The following RBM27 variants were observed in gnomAD, a reference collection of about 807,000 sequenced individuals.
RBM27 encodes the protein RNA-binding protein 27.
Under a neutral mutation model 135.3 loss-of-function variants are expected in RBM27, and 22 were observed. The ratio of observed to expected loss-of-function variants is 0.16; its 90% CI spans 0.12 to 0.23. RBM27 has a LOEUF of 0.23. Among genes scored for constraint, RBM27 ranks in the 10% least tolerant of loss-of-function variants. RBM27 has a pLI of 1.00. For missense variants in RBM27, 1,009 were observed against 1,281.0 expected (o/e 0.79, Z 3.24); for synonymous variants, 481 against 442.4 (o/e 1.09, Z -1.10).
chr5:146,263,551 C>T lies in RBM27; in HGVS notation c.2251C>T (p.Arg751Cys), dbSNP rs1436172352. The change falls in exon 14 of 21, where the codon CGT becomes TGT. Residue 751 changes from arginine (R) to cysteine (C), a missense_variant. Around this residue, in one of 6 missense-constraint regions of RBM27, gnomAD observed 355 missense variants for 427.3 expected, o/e 0.83. Transcript: ENST00000265271. ...YVLNKVPVKH[R>C]LGHAGGNQSD... Reference sequence around the variant, plus strand: ...TCTTAACAAAGTTCCTGTTAAACATCGTCTTGGACATGCAGGTGGTAACCA... The same window carrying T: ...TCTTAACAAAGTTCCTGTTAAACATTGTCTTGGACATGCAGGTGGTAACCA... The T allele has an allele frequency of 3.1e-6, 5 of 1,614,080 alleles. No homozygotes were observed. The highest frequency in any genetic ancestry group is 4.2e-6 in the Non-Finnish European group (5 of 1,179,984).
chr5:146,260,943 T>C (rs2126851793), intron 12 of RBM27, 45 bp downstream of exon 12: 1 of 1,543,314 alleles, frequency 6.5e-7, no homozygotes, highest in Non-Finnish European at 8.8e-7. Flanking sequence ...ATTTTATGGG[T>C]CTTGGGAATA....
At chr5:146,258,311 T>G (rs1758211914) in intron 10 of RBM27, 138 bp from the exon 11 acceptor site, 2 of 593,030 alleles carry the variant, frequency 3.4e-6, no homozygotes, top group Non-Finnish European at 5.1e-6. Context: ...CATTTGTAAC[T>G]TTTTCTTCTG....
At chr5:146,249,108 A>G (rs895482233) in intron 8 of RBM27, among the ~76,000 whole-genome samples, 2 of 151,910 alleles carry the variant, frequency 1.3e-5, no homozygotes, top group African/African-American at 4.8e-5. Flanking sequence ...TAGCCTTCCA[A>G]ATAGCTAGGA....
At chr5:146,231,398 C>G (rs190150772) in intron 6 of RBM27, among the ~76,000 whole-genome samples, 1 of 152,178 alleles carries the variant, frequency 6.6e-6, no homozygotes, top group African/African-American at 2.4e-5. Context: ...AGCCACCGCA[C>G]CATGCCTATA....
At chr5:146,265,759 G>A (rs992418012) in intron 14 of RBM27, among the ~76,000 whole-genome samples, 1 of 152,142 alleles carries the variant, frequency 6.6e-6, no homozygotes, top group African/African-American at 2.4e-5. Flanking sequence ...AAACCCATCT[G>A]TGAGCATTGT....
chr5:146,220,934 T>C (rs1450432979), intron 2 of RBM27, among the ~76,000 whole-genome samples: 1 of 152,076 alleles, frequency 6.6e-6, no homozygotes, highest in African/African-American at 2.4e-5. Context: ...TTAGAAAGGA[T>C]TGGCCAGGCG....
At position 146,251,853 on chromosome 5, in the gene RBM27, C is replaced by T. The variant is rs563464109; in HGVS notation, c.1422C>T (p.Ser474=). 4.4e-5 allele frequency: 71 copies of T among 1,614,148 alleles called. No individual in the cohort carries two copies. Among genetic ancestry groups the T allele is most frequent in the South Asian group, 2.9e-4 (26 of 91,082 alleles). Residue 474 remains serine, a synonymous_variant, in exon 9 of 21, where the codon TCC becomes TCT. Coordinates refer to ENST00000265271, the MANE Select transcript of RBM27 (RefSeq NM_018989.2). ...GSSIGYHTSV[S]SPTPLVPDTY... ...CCATTGGATACCATACCTCAGTCTCCAGCCCTACCCCTCTGGTTCCAGGTA... is the reference window on the plus strand; with the variant it reads ...CCATTGGATACCATACCTCAGTCTCTAGCCCTACCCCTCTGGTTCCAGGTA...
In RBM27 at chr5:146,286,128, T is replaced by C. The variant is rs546324640; in HGVS notation, c.*98T>C. On this transcript the variant is annotated 3_prime_UTR_variant, in exon 21 of 21. Transcript: ENST00000265271. ...GTCAATGAGCCAAAAAAAATTTTTT[T>C]ATTTTTCTTTTCAACACAGTAGGTT... 5 of 1,044,410 alleles carry C rather than the reference T, an allele frequency of 4.8e-6. No individual in the cohort carries two copies. The South Asian group carries it at 7.9e-5, about 17-fold the overall frequency. 64.7% of individuals were successfully genotyped at this position (1,044,410 alleles called of 1,614,324 possible).
chr5:146,225,154 G>A (rs1052653754), intron 3 of RBM27, among the ~76,000 whole-genome samples: 2 of 151,866 alleles, frequency 1.3e-5, no homozygotes, highest in Non-Finnish European at 2.9e-5. Context: ...AAGAGACAGG[G>A]TTTCACTATG....
chr5:146,221,712 G>A (rs1377013839), intron 2 of RBM27, among the ~76,000 whole-genome samples: 10 of 152,076 alleles, frequency 6.6e-5, no homozygotes, highest in Non-Finnish European at 1.2e-4. Context: ...GATTACAGGC[G>A]TGAGCCACTG....
At position 146,287,702 on chromosome 5, in the gene RBM27, A is replaced by G. The variant is rs2126934488; in HGVS notation, c.*1672A>G. On this transcript the variant is annotated 3_prime_UTR_variant, in exon 21 of 21. Coordinates refer to ENST00000265271, the MANE Select transcript of RBM27 (RefSeq NM_018989.2). ...TTCTTCTACATGTTTTCCTGGAATG[A>G]TGTGTCAAACCAGGGTCATTTTTAA... The G allele has an allele frequency of 6.6e-6, 1 of 152,274 alleles. No individual in the cohort carries two copies. Among genetic ancestry groups the G allele is most frequent in the South Asian group, 2.1e-4 (1 of 4,830 alleles). 9.4% of individuals were successfully genotyped at this position (152,274 alleles called of 1,614,324 possible). A position where few individuals can be genotyped will look rare whatever the true frequency, so the allele number is the denominator to read the frequency against.
intron 3 of RBM27, among the ~76,000 whole-genome samples, chr5:146,226,324 CTGTT>C (rs1404151414): frequency 4.6e-5 from 7 of 151,854 alleles, no homozygotes; most frequent in African/African-American, 1.7e-4. Flanking sequence ...TTAGATGTAT[CTGTT>C]TGAGAGGCAG....
chr5:146,272,838 G>A (rs1199471189), intron 19 of RBM27, among the ~76,000 whole-genome samples: 1 of 152,154 alleles, frequency 6.6e-6, no homozygotes, highest in Non-Finnish European at 1.5e-5. Flanking sequence ...GATTCTTGGG[G>A]AAGATAGGCC....
At chr5:146,260,309 AAAG>A (rs57796326) in intron 11 of RBM27, among the ~76,000 whole-genome samples, 9,381 of 151,990 alleles carry the variant, frequency 0.062, 966 homozygotes, top group African/African-American at 0.22. Context: ...CAAAAAAAAA[AAAG>A]AAGAATGTGA....
chr5:146,260,532 G>C (rs765389739), intron 11 of RBM27, among the ~76,000 whole-genome samples: 9 of 152,072 alleles, frequency 5.9e-5, no homozygotes, highest in Non-Finnish European at 1.2e-4. Context: ...CCTGTAATCT[G>C]TTTCTGGATG....
chr5:146,232,749 A>G (rs1756991649), intron 6 of RBM27, among the ~76,000 whole-genome samples: 1 of 152,058 alleles, frequency 6.6e-6, no homozygotes, highest in Non-Finnish European at 1.5e-5. Context: ...TTGTATTTTT[A>G]GTAGAGACGG....
chr5:146,282,548 A>G (rs1393122395), intron 19 of RBM27, among the ~76,000 whole-genome samples: 1 of 152,252 alleles, frequency 6.6e-6, no homozygotes, highest in Non-Finnish European at 1.5e-5. Context: ...ATTATTCCCT[A>G]AACAATACAG....
intron 2 of RBM27, among the ~76,000 whole-genome samples, chr5:146,221,392 A>G (rs1447322275): frequency 6.6e-6 from 1 of 152,196 alleles, no homozygotes; most frequent in African/African-American, 2.4e-5. Context: ...CATTAGCCAC[A>G]TGTGGCTTTT....
At chr5:146,228,465 C>T (rs144151194) in intron 3 of RBM27, among the ~76,000 whole-genome samples, 82 of 151,214 alleles carry the variant, frequency 5.4e-4, no homozygotes, top group African/African-American at 1.7e-3. Context: ...TATTTTTAGT[C>T]GAGACAGGGT....
Sources: allele counts gnomAD v4.1 joint callset (sites outside exome capture counted in the v4.1 genomes callset), GRCh38; gene constraint gnomAD v4.1.1; regional missense constraint gnomAD v4.1.1; transcripts MANE v1.5; gene names NCBI Gene and HGNC (gene_info 2026-07-23, HGNC 2026-07-21).